Variants in FUNDC2 observed in about 807,000 individuals in gnomAD.
The protein encoded by FUNDC2 is FUN14 domain containing 2, also known as FUN14 domain-containing protein 2.
FUNDC2 carries 4 observed loss-of-function variants against 15.6 expected under a neutral mutation model. The ratio of observed to expected loss-of-function variants is 0.26; its 90% CI spans 0.13 to 0.59. The LOEUF (loss-of-function observed/expected upper bound fraction) is 0.59, where lower values mean the gene tolerates loss of function less well. FUNDC2 is among the 20% of genes least tolerant of loss of function. The pLI is 0.90. For synonymous variants in FUNDC2, 44 were observed against 56.9 expected (o/e 0.77, Z 1.02); for missense variants, 98 against 149.7 (o/e 0.65, Z 1.80).
chrX:155,044,759 G>A (rs1430188056), intron 2 of FUNDC2, among the ~76,000 whole-genome samples: 2 of 112,043 alleles, frequency 1.8e-5, no homozygotes, highest in African/African-American at 3.2e-5. Flanking sequence ...CACTGTTGGC[G>A]GGAATGTAGA....
At chrX:155,050,319 C>T (rs1342951052) in intron 3 of FUNDC2, 1 of 111,776 alleles carries the variant, frequency 8.9e-6, no homozygotes, top group African/African-American at 3.3e-5. Flanking sequence ...TTCTTGAGTC[C>T]TGCCTTGAGG....
At chrX:155,027,192 G>T (rs1473990519) in intron 1 of FUNDC2, 121 bp downstream of exon 1, 2 of 772,361 alleles carry the variant, frequency 2.6e-6, no homozygotes, top group Non-Finnish European at 3.4e-6. Context: ...AGCGGCGCGG[G>T]GACGGGGAGG....
At chrX:155,042,175 C>CTTTTTTTTTTTTT (rs1175079092) in intron 2 of FUNDC2, among the ~76,000 whole-genome samples, 10 of 39,200 alleles carry the variant, frequency 2.6e-4, no homozygotes, top group African/African-American at 1.2e-3. Context: ...CTTTTTCTAT[C>CTTTTTTTTTTTTT]TTTTTTTTTT....
At chrX:155,053,569 T>C (rs1473513366) in intron 4 of FUNDC2, among the ~76,000 whole-genome samples, 3 of 111,259 alleles carry the variant, frequency 2.7e-5, no homozygotes, top group Non-Finnish European at 5.7e-5. Flanking sequence ...TTTAAGGAAA[T>C]GTAGAGGTCC....
intron 3 of FUNDC2, among the ~76,000 whole-genome samples, chrX:155,047,974 T>G (rs1353794348): frequency 1.8e-5 from 2 of 111,309 alleles, no homozygotes; most frequent in Non-Finnish European, 3.8e-5. Flanking sequence ...TCTCTCTCCT[T>G]CCCCTTGACC....
At chrX:155,028,086 ATAGACTTTTATAAGAGCAGACTG>A (rs1557288448) in intron 1 of FUNDC2, among the ~76,000 whole-genome samples, 5 of 112,349 alleles carry the variant, frequency 4.5e-5, no homozygotes, top group African/African-American at 1.6e-4. Context: ...GACTGCTCTT[ATAGACTTTTATAAGAGCAGACTG>A]CTCTTATAGG....
chrX:155,027,061 G>A lies in FUNDC2; in HGVS notation c.123G>A (p.Ala41=). 8.4e-7 allele frequency: 1 copy of A among 1,185,747 alleles called. No individual in the cohort carries two copies. The highest frequency in any genetic ancestry group is 1.1e-6 in the Non-Finnish European group (1 of 880,739). Residue 41 remains alanine, a synonymous_variant, in exon 1 of 5, where the codon GCG becomes GCA. Coordinates refer to ENST00000369498, the MANE Select transcript of FUNDC2 (RefSeq NM_023934.4). ...SSRDKLTEMA[A]SSQGNFEGNF... is the part of the protein sequence containing the mutation. ...GAGACAAGCTCACCGAAATGGCCGC[G>A]TCCAGTCAAGGTAAGGGCGGGCGCG...
chrX:155,052,111 C>T (rs782225358), intron 4 of FUNDC2, among the ~76,000 whole-genome samples: 3 of 112,137 alleles, frequency 2.7e-5, no homozygotes, highest in Non-Finnish European at 5.6e-5. Flanking sequence ...CCCATTTTGT[C>T]GCTATACACG....
intron 4 of FUNDC2, chrX:155,054,065 G>A (rs966060758): frequency 5.3e-6 from 4 of 753,841 alleles, no homozygotes; most frequent in South Asian, 1.4e-4. Context: ...CTTAGATGTG[G>A]TGAAGTGTGA....
At chrX:155,045,532 T>C (rs1557289961) in intron 2 of FUNDC2, among the ~76,000 whole-genome samples, 1 of 112,164 alleles carries the variant, frequency 8.9e-6, no homozygotes, top group Non-Finnish European at 1.9e-5. Context: ...CAAAAGCTGC[T>C]GTAGGTCAGA....
chrX:155,055,659 C>A lies in FUNDC2; in HGVS notation c.*987C>A. 1 of 160,524 alleles carries A rather than the reference C, an allele frequency of 6.2e-6. No individual in the cohort carries two copies. Among genetic ancestry groups the A allele is most frequent in the Non-Finnish European group, 1.2e-5 (1 of 84,202 alleles). 13.2% of individuals were successfully genotyped at this position (160,524 alleles called of 1,213,427 possible). On this transcript the variant is annotated 3_prime_UTR_variant, in exon 5 of 5. Coordinates refer to ENST00000369498, the MANE Select transcript of FUNDC2 (RefSeq NM_023934.4). ...ACACACACGGGCACACACGCACACA[C>A]AGAATCTTACCACATTTTGCTGTAG...
chrX:155,054,094 T>C (rs2073886561), intron 4 of FUNDC2: 1 of 750,652 alleles, frequency 1.3e-6, no homozygotes, highest in African/African-American at 2.3e-5. Context: ...ATTTATAGCA[T>C]CTACCTGGGA....
In FUNDC2 at chrX:155,057,625, T is replaced by A. The variant is rs1397804139; in HGVS notation, c.*2953T>A. On this transcript the variant is annotated 3_prime_UTR_variant, in exon 5 of 5. Transcript: ENST00000369498. ...TACGTAGTGAAGGCTTCCCTTCCCT[T>A]GTCCTGCAGCGTGCTGGACAGTGTC... The A allele has an allele frequency of 2.7e-5, 3 of 111,951 alleles. No individual in the cohort carries two copies. The East Asian group carries it at 8.4e-4, about 31-fold the overall frequency. 9.2% of individuals were successfully genotyped at this position (111,951 alleles called of 1,213,427 possible).
chrX:155,046,811 G>A (rs2073864313), intron 3 of FUNDC2, among the ~76,000 whole-genome samples: 1 of 112,582 alleles, frequency 8.9e-6, no homozygotes, highest in African/African-American at 3.2e-5. Context: ...GGCGACAGAA[G>A]TGCAAATTCC....
Position 155,056,159 on chromosome X carries a change from C to G in FUNDC2, c.*1487C>G, listed in dbSNP as rs1223797870. 1.8e-5 allele frequency: 2 copies of G among 111,509 alleles called. No individual in the cohort carries two copies. Among genetic ancestry groups the G allele is most frequent in the Non-Finnish European group, 3.8e-5 (2 of 53,080 alleles). 9.2% of individuals were successfully genotyped at this position (111,509 alleles called of 1,213,427 possible). ...TTTTTTTCACTTTTTATTATGGACG[C>G]TTTCAGGAATATATAAAAGTAGAGA... On this transcript the variant is annotated 3_prime_UTR_variant, in exon 5 of 5. Transcript: ENST00000369498.
intron 1 of FUNDC2, among the ~76,000 whole-genome samples, chrX:155,028,870 A>G (rs1322717159): frequency 1.8e-5 from 2 of 112,090 alleles, no homozygotes; most frequent in Admixed American, 9.4e-5. Context: ...CTGTAGCTTT[A>G]TAATGAGCCT....
chrX:155,033,291 A>T, intron 1 of FUNDC2, 112 bp from the exon 2 acceptor site: 1 of 624,976 alleles, frequency 1.6e-6, no homozygotes, highest in Middle Eastern at 5.5e-4. Context: ...TTACTATTTA[A>T]AATAGAATAT....
At chrX:155,040,248 A>G (rs1310142711) in intron 2 of FUNDC2, among the ~76,000 whole-genome samples, 2 of 111,969 alleles carry the variant, frequency 1.8e-5, no homozygotes, top group African/African-American at 3.2e-5. Context: ...TACATTCACA[A>G]TATTGTACAA....
At chrX:155,035,340 A>G (rs1557289075) in intron 2 of FUNDC2, among the ~76,000 whole-genome samples, 1 of 111,956 alleles carries the variant, frequency 8.9e-6, no homozygotes, top group East Asian at 2.8e-4. Flanking sequence ...TGTGTCTGCT[A>G]TCTTGTTCTT....
Sources: gnomAD v4.1 joint callset for allele counts (sites outside exome capture counted in the v4.1 genomes callset) on GRCh38, gnomAD v4.1.1 for gene constraint, MANE v1.5 for transcripts, NCBI Gene and HGNC (gene_info 2026-07-23, HGNC 2026-07-21) for gene names.